Variants in CRB1 observed in about 807,000 individuals in gnomAD.
CRB1 encodes the protein protein crumbs homolog 1.
In CRB1, 83 loss-of-function variants were observed where a neutral mutation model predicts 120.0. The ratio of observed to expected loss-of-function variants is 0.69; its 90% CI spans 0.58 to 0.83. The LOEUF is 0.83. Ranked by LOEUF, CRB1 falls within the 40% of genes least tolerant of loss-of-function variation. The pLI is 0.00. For synonymous variants in CRB1, 625 were observed against 612.5 expected (o/e 1.02, Z -0.30); for missense variants, 1,699 against 1,687.6 (o/e 1.01, Z -0.12).
At chr1:197,405,772 T>C (rs1485861318) in intron 5 of CRB1, among the ~76,000 whole-genome samples, 1 of 149,764 alleles carries the variant, frequency 6.7e-6, no homozygotes, top group Non-Finnish European at 1.5e-5. Context: ...AACCGCCCCA[T>C]CTGAGAAGTG....
rs576931941 is a variant in CRB1, at chr1:197,313,761, G to T, written c.71-14661G>T. ...AATGACCTCCAGTTCCATTCATGTT[G>T]CCGCAAATGACAGGATTTCATTCTT... On this transcript the variant is annotated intron_variant, in intron 1 of 11. Transcript: ENST00000367400. Among the ~76,000 whole-genome samples, 64 of 152,196 alleles carry T rather than the reference G, an allele frequency of 4.2e-4. No homozygotes were observed. The South Asian group carries it at 0.013, about 31-fold the overall frequency.
At chr1:197,235,160 G>T in the CRB1 span, among the ~76,000 whole-genome samples, 171 of 152,210 alleles carry the variant, frequency 1.1e-3, no homozygotes, top group African/African-American at 3.9e-3. Flanking sequence ...GGCCCTATTT[G>T]CCCTCCTGTC....
intron 11 of CRB1, 187 bp downstream of exon 11, chr1:197,442,479 T>C: frequency 6.6e-7 from 1 of 1,516,212 alleles, no homozygotes; most frequent in Non-Finnish European, 8.8e-7. Context: ...AATGCCTTGA[T>C]TCATTTTAGA....
intron 1 of CRB1, among the ~76,000 whole-genome samples, chr1:197,280,692 G>T (rs1244211842): frequency 6.6e-6 from 1 of 151,838 alleles, no homozygotes; most frequent in Non-Finnish European, 1.5e-5. Flanking sequence ...AATTCTTAGG[G>T]TCAGTTGTAG....
chr1:197,267,089 G>A (rs1446082975), upstream of CRB1, among the ~76,000 whole-genome samples: 2 of 152,162 alleles, frequency 1.3e-5, no homozygotes, highest in Non-Finnish European at 2.9e-5. Context: ...TGTTGACACT[G>A]ACCCACCAGA....
chr1:197,351,373 A>T (rs1309280284), intron 4 of CRB1, among the ~76,000 whole-genome samples: 1 of 150,826 alleles, frequency 6.6e-6, no homozygotes, highest in East Asian at 1.9e-4. Flanking sequence ...GCAAAAAAAA[A>T]AAAAAAAAAA....
chr1:197,335,977 GA>G (rs1255546391), intron 2 of CRB1, among the ~76,000 whole-genome samples: 1 of 152,190 alleles, frequency 6.6e-6, no homozygotes, highest in Non-Finnish European at 1.5e-5. Context: ...CTGTCCTTTA[GA>G]ATATTCTAAC....
chr1:197,274,657 G>T (rs919147866), intron 1 of CRB1, among the ~76,000 whole-genome samples: 4 of 152,052 alleles, frequency 2.6e-5, no homozygotes, highest in Non-Finnish European at 5.9e-5. Flanking sequence ...TCTTTTATAG[G>T]ATGCTATAAA....
At chr1:197,378,734 C>A (rs527340817) in intron 5 of CRB1, among the ~76,000 whole-genome samples, 1 of 152,198 alleles carries the variant, frequency 6.6e-6, no homozygotes, top group Non-Finnish European at 1.5e-5. Context: ...AGAATTACCC[C>A]TTTCAAAATA....
At chr1:197,303,189 A>T (rs1479577317) in intron 1 of CRB1, among the ~76,000 whole-genome samples, 1 of 151,302 alleles carries the variant, frequency 6.6e-6, no homozygotes, top group African/African-American at 2.4e-5. Context: ...TGTGCAGGTT[A>T]GTTACATATG....
Position 197,434,877 on chromosome 1 carries a change from A to T in CRB1, c.3014A>T (p.Asp1005Val), listed in dbSNP as rs369184026. The part of the protein sequence containing the change: ...EPEFLNISIQ[D>V]SRLFFQLQSG... ...GAATTTCTTAATATTAGCATTCAAG[A>T]TTCCAGATTATTCTTTCAATTGCAA... Residue 1005 changes from aspartate to valine, a missense_variant, in exon 9 of 12, where the codon GAT becomes GTT. By Grantham distance (152) the Asp-to-Val change is radical. Transcript: ENST00000367400. 3.8e-5 allele frequency: 62 copies of T among 1,613,728 alleles called. No homozygotes were observed. Among genetic ancestry groups the T allele is most frequent in the Non-Finnish European group, 4.7e-5 (56 of 1,179,846 alleles).
At chr1:197,439,963 T>C (rs1372725204) in intron 10 of CRB1, 1 of 152,178 alleles carries the variant, frequency 6.6e-6, no homozygotes, top group Non-Finnish European at 1.5e-5. Flanking sequence ...CCTTCTGTGG[T>C]TGGTTCTTTG....
chr1:197,236,490 C>T, the CRB1 span, among the ~76,000 whole-genome samples: 19 of 152,152 alleles, frequency 1.2e-4, no homozygotes, highest in Non-Finnish European at 2.1e-4. Context: ...TGAGCCACTG[C>T]GCTCGGCCAG....
At chr1:197,436,274 A>G (rs1248756880) in intron 9 of CRB1, among the ~76,000 whole-genome samples, 2 of 152,126 alleles carry the variant, frequency 1.3e-5, no homozygotes, top group African/African-American at 4.8e-5. Context: ...AATCATAGGA[A>G]AGAAAAAATA....
chr1:197,215,572 G>A, the CRB1 span, among the ~76,000 whole-genome samples: 2 of 152,112 alleles, frequency 1.3e-5, no homozygotes, highest in African/African-American at 4.8e-5. Context: ...CACTGTGCCC[G>A]GCGGGAGGTA....
At chr1:197,247,812 A>T in the CRB1 span, among the ~76,000 whole-genome samples, 3 of 152,036 alleles carry the variant, frequency 2.0e-5, no homozygotes, top group African/African-American at 7.2e-5. Flanking sequence ...ATGTTCAAAG[A>T]AACTTTGCAT....
the CRB1 span, among the ~76,000 whole-genome samples, chr1:197,204,745 G>A: frequency 1.3e-5 from 2 of 152,120 alleles, no homozygotes; most frequent in Non-Finnish European, 2.9e-5. Context: ...TCTGCTGATT[G>A]TTTCTTTTGC....
At chr1:197,419,968 G>A (rs530046407) in intron 5 of CRB1, among the ~76,000 whole-genome samples, 34 of 142,084 alleles carry the variant, frequency 2.4e-4, no homozygotes, top group African/African-American at 6.7e-4. Flanking sequence ...GCGACAGAGC[G>A]AGACACGATC....
In CRB1 at chr1:197,363,321, C is replaced by CT. The variant is rs200800599; in HGVS notation, c.1171+6319dup. On this transcript the variant is annotated intron_variant, in intron 5 of 11. Transcript: ENST00000367400. ...CCCACCTTAGGCCTCAAGAGTCTTT[C>CT]TTTTTTTTTTTAAATCATTTTATTT... Among the ~76,000 whole-genome samples, 28 of 148,960 alleles carry CT rather than the reference C, an allele frequency of 1.9e-4. 1 individual carries two copies. Among genetic ancestry groups the CT allele is most frequent in the Non-Finnish European group, 2.7e-4 (18 of 67,124 alleles).
Sources: allele counts gnomAD v4.1 joint callset (sites outside exome capture counted in the v4.1 genomes callset), GRCh38; gene constraint gnomAD v4.1.1; transcripts MANE v1.5; gene names NCBI Gene and HGNC (gene_info 2026-07-23, HGNC 2026-07-21).